Variants in DSCAML1 observed in about 807,000 individuals in gnomAD.
DSCAML1 encodes DS cell adhesion molecule like 1.
A neutral mutation model predicts 200.5 loss-of-function variants in DSCAML1; 38 were observed. That is an observed-to-expected ratio of 0.19 (90% CI 0.15 to 0.25). The LOEUF is 0.25. Among genes scored for constraint, DSCAML1 ranks in the 10% least tolerant of loss-of-function variants. The pLI, the probability that DSCAML1 is intolerant of heterozygous loss-of-function variation, is 1.00. For synonymous variants in DSCAML1, 1,215 were observed against 1,165.0 expected (o/e 1.04, Z -0.87); for missense variants, 2,223 against 2,858.8 (o/e 0.78, Z 5.07).
Position 117,689,326 on chromosome 11 carries a change from A to G in DSCAML1, c.511+87465T>C, listed in dbSNP as rs541321858. ...CTTGAAGTGTGCTGTGCAGGACAGC[A>G]TCACCCGAGAGCTGGTCAGGTCAGA... On this transcript the variant is annotated intron_variant, in intron 3 of 32. Coordinates refer to ENST00000651296, the MANE Select transcript of DSCAML1 (RefSeq NM_020693.4). Among the ~76,000 whole-genome samples, 6 of 152,360 alleles carry G rather than the reference A, an allele frequency of 3.9e-5. No homozygotes were observed. The East Asian group carries it at 5.8e-4, about 15-fold the overall frequency.
intron 3 of DSCAML1, among the ~76,000 whole-genome samples, chr11:117,540,907 T>C (rs1030551120): frequency 4.6e-5 from 7 of 151,514 alleles, no homozygotes; most frequent in Admixed American, 4.6e-4. Context: ...CACTGGGGGG[T>C]ATTTAAGTTG....
At chr11:117,570,326 A>T (rs918290885) in intron 3 of DSCAML1, among the ~76,000 whole-genome samples, 2 of 152,186 alleles carry the variant, frequency 1.3e-5, no homozygotes, top group Non-Finnish European at 2.9e-5. Context: ...AGACTTGCTC[A>T]TAGAACATGC....
intron 3 of DSCAML1, among the ~76,000 whole-genome samples, chr11:117,687,302 C>T (rs185851872): frequency 2.0e-5 from 3 of 152,000 alleles, no homozygotes; most frequent in African/African-American, 7.2e-5. Flanking sequence ...GCTCTGTAAC[C>T]CAGGCTGGAG....
chr11:117,661,412 C>T (rs538491359), intron 3 of DSCAML1, among the ~76,000 whole-genome samples: 30 of 152,266 alleles, frequency 2.0e-4, no homozygotes, highest in Middle Eastern at 3.4e-3. Context: ...CACAGTGTAC[C>T]GTTACTGGCT....
chr11:117,749,316 C>T, intron 3 of DSCAML1, among the ~76,000 whole-genome samples: 1 of 152,198 alleles, frequency 6.6e-6, no homozygotes, highest in East Asian at 1.9e-4. Flanking sequence ...GCCTGCCTCT[C>T]CCCATTCAGA....
rs931530015 is a variant in DSCAML1, at chr11:117,504,624, C to T, written c.2182+300G>A. On this transcript the variant is annotated intron_variant, in intron 10 of 32. Transcript: ENST00000651296. The surrounding 1 kb of genome is among the most constrained non-coding windows in gnomAD (Gnocchi z 5.0). ...GGCTCTGGGGCCCCAGGGGAGGGTG[C>T]GGTAGGGAAAGCAGGCATACACTGA... Among the ~76,000 whole-genome samples the T allele has an allele frequency of 2.6e-5, 4 of 151,970 alleles. No individual in the cohort carries two copies. The highest frequency in any genetic ancestry group is 5.9e-5 in the Non-Finnish European group (4 of 67,968).
At chr11:117,429,642 G>A (rs2047743300) in intron 32 of DSCAML1, among the ~76,000 whole-genome samples, 2 of 152,226 alleles carry the variant, frequency 1.3e-5, no homozygotes, top group South Asian at 4.1e-4. Context: ...CCAAAGTGCT[G>A]GGATTACAGG....
intron 3 of DSCAML1, among the ~76,000 whole-genome samples, chr11:117,551,337 G>C (rs1045487226): frequency 6.6e-6 from 1 of 152,154 alleles, no homozygotes; most frequent in African/African-American, 2.4e-5. Flanking sequence ...TGAACTCTGG[G>C]CTTTTCCCAC....
intron 3 of DSCAML1, among the ~76,000 whole-genome samples, chr11:117,702,459 T>A (rs1298858451): frequency 6.6e-6 from 1 of 152,056 alleles, no homozygotes; most frequent in Admixed American, 6.6e-5. Context: ...CCAGGAAGCC[T>A]TTCCCTGACT....
chr11:117,452,043 C>T (rs945066350), intron 19 of DSCAML1, among the ~76,000 whole-genome samples: 1 of 152,134 alleles, frequency 6.6e-6, no homozygotes, highest in Non-Finnish European at 1.5e-5. Context: ...TTCTTGACTC[C>T]ACCTGTCCTC....
intron 3 of DSCAML1, among the ~76,000 whole-genome samples, chr11:117,622,996 G>T (rs2051966538): frequency 6.6e-6 from 1 of 152,074 alleles, no homozygotes; most frequent in Admixed American, 6.5e-5. Context: ...CCTTACACTA[G>T]GCAGGTCTCA....
chr11:117,600,670 C>T (rs978797904), intron 3 of DSCAML1, among the ~76,000 whole-genome samples: 1 of 152,214 alleles, frequency 6.6e-6, no homozygotes, highest in Non-Finnish European at 1.5e-5. Flanking sequence ...GAGTCATTTG[C>T]ATGCAAGTCC....
In DSCAML1 at chr11:117,443,979, G is replaced by C. The variant is rs767351865; in HGVS notation, c.3769C>G (p.Arg1257Gly). ...ACCCACAGCAGATACTGCTGACCGC[G>C]GTTTAGGTGGGCGATCCGGTAGAAG... ...QLFYRIAHLN[R>G]GQQYLLWVAA... Residue 1257 changes from arginine (R) to glycine (G), a missense_variant, in exon 21 of 33, where the codon CGC (arginine) becomes GGC (glycine). Physicochemically the swap from Arg to Gly is moderately radical, Grantham distance 125 (BLOSUM62 -2). Coordinates refer to ENST00000651296, the MANE Select transcript of DSCAML1 (RefSeq NM_020693.4). 2 of 1,613,928 alleles carry C rather than the reference G, an allele frequency of 1.2e-6. No individual in the cohort carries two copies. The highest frequency in any genetic ancestry group is 1.7e-6 in the Non-Finnish European group (2 of 1,179,988).
intron 8 of DSCAML1, among the ~76,000 whole-genome samples, chr11:117,510,215 TGC>T (rs766268871): frequency 6.6e-6 from 1 of 152,244 alleles, no homozygotes; most frequent in Non-Finnish European, 1.5e-5. Flanking sequence ...TTTTATTTAC[TGC>T]ACCTGCTAGC....
At chr11:117,440,008 C>G in intron 21 of DSCAML1, 72 bp from the exon 22 acceptor site, 1 of 1,335,134 alleles carries the variant, frequency 7.5e-7, no homozygotes, top group Non-Finnish European at 1.1e-6. Flanking sequence ...TTCCTTAGGG[C>G]CCCCTGGATT....
At chr11:117,532,546 T>C (rs1174851238) in intron 3 of DSCAML1, 24 bp from the exon 4 acceptor site, 1 of 1,605,968 alleles carries the variant, frequency 6.2e-7, no homozygotes, top group Non-Finnish European at 8.5e-7. Flanking sequence ...CAGGACATAG[T>C]TCGTTACTTC....
rs74971039 is a variant in DSCAML1 at position 117,648,146 on chromosome 11, C to T, written c.512-115624G>A. 6.1e-3 allele frequency among the ~76,000 whole-genome samples: 928 copies of T among 152,320 alleles called. 5 individuals carry two copies. The highest frequency in any genetic ancestry group is 0.011 in the Non-Finnish European group (751 of 68,030). ...TTTCTCCACCAGCACCATCTGTGCC[C>T]GTCTTTACGCACTCATTCCCCCATC... On this transcript the variant is annotated intron_variant, in intron 3 of 32. Transcript: ENST00000651296.
intron 11 of DSCAML1, among the ~76,000 whole-genome samples, chr11:117,493,845 C>G (rs1282578442): frequency 6.6e-6 from 1 of 152,158 alleles, no homozygotes; most frequent in Non-Finnish European, 1.5e-5. Context: ...CCAGGCTAGT[C>G]TTGAACTCCT....
At chr11:117,475,938 G>A in intron 14 of DSCAML1, among the ~76,000 whole-genome samples, 1 of 152,112 alleles carries the variant, frequency 6.6e-6, no homozygotes, top group African/African-American at 2.4e-5. Flanking sequence ...GTCTCTGGCT[G>A]ATCTGCCAAA....
Sources: gnomAD v4.1 joint callset for allele counts (sites outside exome capture counted in the v4.1 genomes callset) on GRCh38, gnomAD v4.1.1 for gene constraint, Gnocchi (gnomAD v3.1) non-coding constraint, MANE v1.5 for transcripts, NCBI Gene and HGNC (gene_info 2026-07-23, HGNC 2026-07-21) for gene names.